LRRC28: variants seen among roughly 807,000 people sequenced by gnomAD.
LRRC28 encodes the protein leucine-rich repeat-containing protein 28.
A neutral mutation model predicts 45.7 loss-of-function variants in LRRC28; 39 were observed. The ratio of observed to expected loss-of-function variants is 0.85; its 90% CI spans 0.66 to 1.12. The LOEUF (loss-of-function observed/expected upper bound fraction) is 1.12, where lower values mean the gene tolerates loss of function less well. Ranked by LOEUF, LRRC28 falls within the 50% of genes most tolerant of loss-of-function variation. The probability of loss-of-function intolerance (pLI) is 0.00; values close to 1 mark genes in which losing one functional copy is unlikely to be tolerated. For missense variants in LRRC28, 435 were observed against 438.5 expected (o/e 0.99, Z 0.07); for synonymous variants, 206 against 178.8 (o/e 1.15, Z -1.22).
At position 99,387,463 on chromosome 15, in the gene LRRC28, A is replaced by G. The variant is rs1029821589; in HGVS notation, c.*1361A>G. ...TCATGTTGGCCCTCGTTTCTTGTAT[A>G]CTTAGCTTACTGCCCAGATGCAACT... is the stretch of plus-strand genomic sequence containing the variant. On this transcript the variant is annotated 3_prime_UTR_variant, in exon 10 of 10. Transcript: ENST00000301981. The G allele has an allele frequency of 4.6e-5, 7 of 152,136 alleles. No homozygotes were observed. Among genetic ancestry groups the G allele is most frequent in the African/African-American group, 1.4e-4 (6 of 41,408 alleles). 9.4% of individuals were successfully genotyped at this position (152,136 alleles called of 1,614,324 possible). A position where few individuals can be genotyped will look rare whatever the true frequency, so the allele number is the denominator to read the frequency against.
At chr15:99,265,904 A>C (rs867093072) in intron 2 of LRRC28, among the ~76,000 whole-genome samples, 2 of 152,212 alleles carry the variant, frequency 1.3e-5, no homozygotes, top group Non-Finnish European at 2.9e-5. Flanking sequence ...CTTAATGGTA[A>C]CAGTTGGCCT....
intron 5 of LRRC28, among the ~76,000 whole-genome samples, chr15:99,312,217 C>T (rs1955439441): frequency 6.6e-6 from 1 of 152,186 alleles, no homozygotes; most frequent in Non-Finnish European, 1.5e-5. Context: ...TTGCTACACA[C>T]TAAGCCATAT....
intron 2 of LRRC28, chr15:99,259,828 G>A (rs2081141347): frequency 1.2e-6 from 1 of 863,208 alleles, no homozygotes; most frequent in South Asian, 1.3e-5. Flanking sequence ...TAAAGCATAT[G>A]GAGATAGAAT....
intron 2 of LRRC28, among the ~76,000 whole-genome samples, chr15:99,272,512 G>A (rs1024303165): frequency 6.6e-6 from 1 of 152,122 alleles, no homozygotes; most frequent in Non-Finnish European, 1.5e-5. Context: ...TGAACATGGT[G>A]GTGTTTGCAA....
chr15:99,326,427 T>G (rs1955979821), intron 5 of LRRC28: 1 of 152,190 alleles, frequency 6.6e-6, no homozygotes, highest in African/African-American at 2.4e-5. Context: ...AGACAGTCCC[T>G]GCCCTTTAAA....
chr15:99,268,828 G>A (rs1191749430), intron 2 of LRRC28, among the ~76,000 whole-genome samples: 1 of 152,048 alleles, frequency 6.6e-6, no homozygotes, highest in Admixed American at 6.5e-5. Flanking sequence ...TCATACTTAT[G>A]GCATGTTTAT....
chr15:99,263,451 A>G (rs1263500708), intron 2 of LRRC28, among the ~76,000 whole-genome samples: 1 of 152,104 alleles, frequency 6.6e-6, no homozygotes, highest in East Asian at 1.9e-4. Context: ...GATCTTTGTG[A>G]TCGTTTTAAG....
At chr15:99,318,773 A>G (rs1955688289) in intron 5 of LRRC28, among the ~76,000 whole-genome samples, 1 of 152,062 alleles carries the variant, frequency 6.6e-6, no homozygotes, top group Non-Finnish European at 1.5e-5. Context: ...TATATATTGT[A>G]TTTAGTATGG....
At chr15:99,286,984 C>A in intron 3 of LRRC28, 1 of 282,088 alleles carries the variant, frequency 3.5e-6, no homozygotes, top group Non-Finnish European at 6.6e-6. Context: ...GTTAAAAAGA[C>A]CTTATAGTTT....
intron 9 of LRRC28, among the ~76,000 whole-genome samples, chr15:99,375,133 T>C (rs1957591236): frequency 6.6e-6 from 1 of 152,240 alleles, no homozygotes; most frequent in South Asian, 2.1e-4. Flanking sequence ...GTTCTCTTTA[T>C]TAAATTAAGG....
Position 99,370,320 on chromosome 15 carries a change from TA to T in LRRC28, c.1031+7058del, listed in dbSNP as rs1446801547. ...ACTCATAAACTCATAAATACAAAAT[TA>T]AATATTCTCTAACATTATGAACAAG... is the stretch of plus-strand genomic sequence containing the variant. On this transcript the variant is annotated intron_variant, in intron 9 of 9. Transcript: ENST00000301981. 2.6e-5 allele frequency among the ~76,000 whole-genome samples: 4 copies of T among 152,202 alleles called. No individual in the cohort carries two copies. In the East Asian group the frequency reaches 7.7e-4, roughly 29 times the overall value.
At chr15:99,283,473 G>A (rs1383140271) in intron 3 of LRRC28, among the ~76,000 whole-genome samples, 2 of 151,208 alleles carry the variant, frequency 1.3e-5, no homozygotes, top group Non-Finnish European at 2.9e-5. Context: ...AAAATTAGCC[G>A]GGTGTGGTGG....
At chr15:99,312,821 G>A (rs1198970841) in intron 5 of LRRC28, among the ~76,000 whole-genome samples, 3 of 152,138 alleles carry the variant, frequency 2.0e-5, no homozygotes, top group South Asian at 2.1e-4. Flanking sequence ...TGACCAAAAC[G>A]TAGTTATGTG....
chr15:99,371,202 A>ATCCTCTT (rs1957475473), intron 9 of LRRC28, among the ~76,000 whole-genome samples: 2 of 152,136 alleles, frequency 1.3e-5, no homozygotes, highest in Non-Finnish European at 2.9e-5. Flanking sequence ...CTTGTTTATT[A>ATCCTCTT]ATTTATCCAG....
intron 9 of LRRC28, among the ~76,000 whole-genome samples, chr15:99,385,560 T>C (rs531548050): frequency 6.6e-6 from 1 of 152,354 alleles, no homozygotes; most frequent in South Asian, 2.1e-4. Context: ...GAGCAACCTA[T>C]GTGTATGCGT....
intron 5 of LRRC28, among the ~76,000 whole-genome samples, chr15:99,293,841 T>A (rs1482887745): frequency 6.6e-6 from 1 of 152,070 alleles, no homozygotes; most frequent in Non-Finnish European, 1.5e-5. Context: ...CCTGAAGTAT[T>A]TCCTTTAGTA....
At chr15:99,298,181 A>C (rs1220311237) in intron 5 of LRRC28, among the ~76,000 whole-genome samples, 2 of 152,232 alleles carry the variant, frequency 1.3e-5, no homozygotes, top group Non-Finnish European at 2.9e-5. Flanking sequence ...AAAGCAACTA[A>C]CACTATAACC....
In LRRC28 at chr15:99,320,480, C is replaced by G. The variant is rs544515073; in HGVS notation, c.386-13443C>G. ...TTTGTAGACCATTACTCTTTAGAGC[C>G]AAAATAATTGCTGGATAGGTTCCAA... On this transcript the variant is annotated intron_variant, in intron 5 of 9. Transcript: ENST00000301981. 24 of 152,206 alleles carry G rather than the reference C, an allele frequency of 1.6e-4. No homozygotes were observed. In the South Asian group the frequency reaches 2.7e-3, roughly 17 times the overall value. The allele number at this position is 152,206 out of a possible 1,614,324, so 9.4% of individuals were successfully genotyped here. A position where few individuals can be genotyped will look rare whatever the true frequency, so the allele number is the denominator to read the frequency against.
intron 1 of LRRC28, among the ~76,000 whole-genome samples, chr15:99,253,586 C>CAGAT (rs1247008329): frequency 3.3e-5 from 5 of 152,160 alleles, no homozygotes; most frequent in Admixed American, 3.3e-4. Context: ...TGGGTGGGGG[C>CAGAT]AGATGGTGAG....
Sources: allele counts gnomAD v4.1 joint callset (sites outside exome capture counted in the v4.1 genomes callset), GRCh38; gene constraint gnomAD v4.1.1; transcripts MANE v1.5; gene names NCBI Gene and HGNC (gene_info 2026-07-23, HGNC 2026-07-21).